Variants in LIFR observed in about 807,000 individuals in gnomAD.
LIFR encodes the protein LIF receptor subunit alpha, also known as leukemia inhibitory factor receptor.
LIFR carries 84 observed loss-of-function variants against 122.2 expected under a neutral mutation model. The ratio of observed to expected loss-of-function variants is 0.69; its 90% confidence interval spans 0.58 to 0.82. The LOEUF (loss-of-function observed/expected upper bound fraction) is 0.82. LIFR is among the 40% of genes least tolerant of loss of function. The pLI, the probability that LIFR is intolerant of heterozygous loss-of-function variation, is 0.00. For synonymous variants in LIFR, 422 were observed against 434.7 expected (o/e 0.97, Z 0.36); for missense variants, 1,294 against 1,311.6 (o/e 0.99, Z 0.21).
Position 38,506,182 on chromosome 5 carries a change from TTA to T in LIFR, c.1122-110_1122-109del, listed in dbSNP as rs1212944108. The stretch of plus-strand genomic sequence containing the variant: ...TTGTATAAAAAGTTTAAATTTCTAA[TTA>T]GAAGCATATTACATACTCAGAGAAG... On this transcript the variant is annotated intron_variant, in intron 8 of 19. Transcript: ENST00000453190. 18 of 733,082 alleles carry T rather than the reference TTA, an allele frequency of 2.5e-5. No individual in the cohort carries two copies. In the South Asian group the frequency reaches 3.3e-4, roughly 13 times the overall value. 45.4% of individuals were successfully genotyped at this position (733,082 alleles called of 1,614,324 possible).
upstream of LIFR, chr5:38,558,462 A>G (rs1035992424): frequency 6.6e-6 from 1 of 152,190 alleles, no homozygotes; most frequent in Non-Finnish European, 1.5e-5. Context: ...CTCACAGCAC[A>G]CCTGTGAAAT....
intron 11 of LIFR, 97 bp from the exon 12 acceptor site, chr5:38,499,680 A>C (rs1745076309): frequency 1.2e-6 from 1 of 857,480 alleles, no homozygotes; most frequent in African/African-American, 1.7e-5. Flanking sequence ...TTCTCAATAA[A>C]ACGTGAAGCA....
intron 5 of LIFR, among the ~76,000 whole-genome samples, chr5:38,517,514 A>G (rs1746147906): frequency 6.6e-6 from 1 of 152,172 alleles, no homozygotes; most frequent in Non-Finnish European, 1.5e-5. Context: ...ATTAACAGAC[A>G]AGACTTGCCA....
At chr5:38,505,189 C>A (rs752982692) in intron 9 of LIFR, among the ~76,000 whole-genome samples, 3 of 151,740 alleles carry the variant, frequency 2.0e-5, no homozygotes, top group Admixed American at 2.0e-4. Context: ...TGCCAAACTG[C>A]ATACTGTATG....
intron 1 of LIFR, among the ~76,000 whole-genome samples, chr5:38,552,663 C>T (rs1748266559): frequency 6.6e-6 from 1 of 152,128 alleles, no homozygotes; most frequent in African/African-American, 2.4e-5. Flanking sequence ...TAAGGTTTTA[C>T]ACTTGAATTT....
At chr5:38,484,447 G>A (rs1262912448) in intron 18 of LIFR, among the ~76,000 whole-genome samples, 1 of 152,236 alleles carries the variant, frequency 6.6e-6, no homozygotes, top group African/African-American at 2.4e-5. Flanking sequence ...ACCAGGGCAA[G>A]TGAGATCTTA....
rs550009838 is a variant in LIFR, at chr5:38,544,680, T to C, written c.-20+11654A>G. 1.0e-3 allele frequency among the ~76,000 whole-genome samples: 159 copies of C among 152,282 alleles called. 2 individuals carry two copies. The South Asian group carries it at 0.011, about 11-fold the overall frequency. ...ATCAATACCTAGAGGTATCTATGCATACATAATTCCTGACTTATTGTCCCT... is the reference window on the plus strand; with the variant it reads ...ATCAATACCTAGAGGTATCTATGCACACATAATTCCTGACTTATTGTCCCT... On this transcript the variant is annotated intron_variant, in intron 1 of 19. Coordinates refer to ENST00000453190, the MANE Select transcript of LIFR (RefSeq NM_001127671.2).
intron 1 of LIFR, among the ~76,000 whole-genome samples, chr5:38,572,170 A>G (rs758441098): frequency 6.6e-6 from 1 of 152,230 alleles, no homozygotes; most frequent in Non-Finnish European, 1.5e-5. Context: ...AAGAGGCTTA[A>G]TTGGCTCACA....
intron 1 of LIFR, among the ~76,000 whole-genome samples, chr5:38,548,122 C>T (rs1685983717): frequency 6.6e-6 from 1 of 151,600 alleles, no homozygotes; most frequent in South Asian, 2.1e-4. Flanking sequence ...CCTAGATTTG[C>T]TAGGAGGAGC....
In LIFR at chr5:38,510,733, A is replaced by G. The variant is rs189278763; in HGVS notation, c.737-15T>C. ...ATCAGGTATCCCTAGAAAGAAAAAG[A>G]GGAATTATAAACATTTTATATAGAA... On this transcript the variant is annotated splice_polypyrimidine_tract_variant and intron_variant, in intron 6 of 19. Coordinates refer to ENST00000453190, the MANE Select transcript of LIFR (RefSeq NM_001127671.2). The G allele has an allele frequency of 9.4e-5, 151 of 1,598,244 alleles. No individual in the cohort carries two copies. The African/African-American group carries it at 1.9e-3, about 20-fold the overall frequency.
intron 16 of LIFR, among the ~76,000 whole-genome samples, chr5:38,487,325 G>A (rs545246724): frequency 1.1e-4 from 17 of 152,212 alleles, no homozygotes; most frequent in South Asian, 2.1e-4. Context: ...TTGACAGACT[G>A]GTGGAGTATC....
upstream of LIFR, among the ~76,000 whole-genome samples, chr5:38,598,449 T>C (rs375946511): frequency 2.0e-5 from 3 of 151,946 alleles, no homozygotes; most frequent in East Asian, 5.8e-4. Context: ...TTTCACCATG[T>C]TGGTCAGGCT....
At chr5:38,595,315 T>C (rs951894572) in exon 1 of LIFR, 5 of 152,254 alleles carry the variant, frequency 3.3e-5, no homozygotes, top group Admixed American at 6.6e-5. Context: ...GGATTAGGAG[T>C]TGATAATGGT....
At chr5:38,530,740 C>T in intron 1 of LIFR, 74 bp from the exon 2 acceptor site, 1 of 1,246,454 alleles carries the variant, frequency 8.0e-7, no homozygotes, top group Non-Finnish European at 1.2e-6. Context: ...CACACAAACA[C>T]TCAAATAGAT....
intron 1 of LIFR, among the ~76,000 whole-genome samples, chr5:38,575,695 C>T (rs946865334): frequency 2.0e-5 from 3 of 152,114 alleles, no homozygotes; most frequent in Admixed American, 1.3e-4. Context: ...TTACACAGTC[C>T]GCTGATCCAG....
intron 1 of LIFR, among the ~76,000 whole-genome samples, chr5:38,571,120 G>A (rs887107195): frequency 3.9e-5 from 6 of 152,192 alleles, no homozygotes; most frequent in African/African-American, 1.2e-4. Context: ...TGTGGGTGTA[G>A]GCTGCAACTT....
At position 38,482,234 on chromosome 5, in the gene LIFR, AAC is replaced by A; in HGVS notation, c.2671-18_2671-17del. 6.2e-7 allele frequency: 1 copy of A among 1,601,112 alleles called. No homozygotes were observed. Among genetic ancestry groups the A allele is most frequent in the Non-Finnish European group, 8.5e-7 (1 of 1,176,622 alleles). On this transcript the variant is annotated splice_polypyrimidine_tract_variant and intron_variant, in intron 19 of 19. Coordinates refer to ENST00000453190, the MANE Select transcript of LIFR (RefSeq NM_001127671.2). ...CACTGCTTCCCTAGAAATAAATTTA[AAC>A]ACAGTGATTAAAAATAGCACTAAAT...
At chr5:38,598,235 TTATTTATTTATTTTTTTTTTTTTTC>T (rs1561235483), upstream of LIFR, among the ~76,000 whole-genome samples, 389 of 31,266 alleles carry the variant, frequency 0.012, 59 homozygotes, top group African/African-American at 0.039. Context: ...TTTTTTTTAT[TTATTTATTTATTTTTTTTTTTTTTC>T]TTTTTAGAGG....
At chr5:38,553,860 G>A (rs866988537) in intron 1 of LIFR, among the ~76,000 whole-genome samples, 12 of 151,198 alleles carry the variant, frequency 7.9e-5, no homozygotes, top group East Asian at 7.8e-4. Flanking sequence ...GCATGCTGAC[G>A]AGACCCCAAT....
Sources: allele counts gnomAD v4.1 joint callset (sites outside exome capture counted in the v4.1 genomes callset), GRCh38; gene constraint gnomAD v4.1.1; transcripts MANE v1.5; gene names NCBI Gene and HGNC (gene_info 2026-07-23, HGNC 2026-07-21).